The following SLC25A40 variants were observed in gnomAD, a reference collection of about 807,000 sequenced individuals.
The protein encoded by SLC25A40 is mitochondrial glutathione transporter SLC25A40.
Under a neutral mutation model 46.5 loss-of-function variants are expected in SLC25A40, and 41 were observed. The observed-to-expected ratio is 0.88, with a 90% CI of 0.69 to 1.14. The LOEUF is 1.14. Among genes scored for constraint, SLC25A40 ranks in the 50% most tolerant of loss-of-function variants. The pLI, the probability that SLC25A40 is intolerant of heterozygous loss-of-function variation, is 0.00. For synonymous variants in SLC25A40, 126 were observed against 127.5 expected (o/e 0.99, Z 0.08); for missense variants, 386 against 393.6 (o/e 0.98, Z 0.16).
At chr7:87,859,223 G>C (rs1181039723) in intron 2 of SLC25A40, among the ~76,000 whole-genome samples, 2 of 152,130 alleles carry the variant, frequency 1.3e-5, no homozygotes, top group Admixed American at 1.3e-4. Context: ...TGGAGGCCGA[G>C]GCGGGCGCAT....
chr7:87,871,676 T>C (rs1240255692), intron 1 of SLC25A40, among the ~76,000 whole-genome samples: 3 of 152,218 alleles, frequency 2.0e-5, no homozygotes, highest in African/African-American at 7.2e-5. Context: ...CTCATGATGT[T>C]TTATCCTTTG....
At position 87,854,788 on chromosome 7, in the gene SLC25A40, G is replaced by C. The variant is rs183081444; in HGVS notation, c.158-478C>G. 4.7e-3 allele frequency among the ~76,000 whole-genome samples: 700 copies of C among 148,432 alleles called. 9 individuals carry two copies. Among genetic ancestry groups the C allele is most frequent in the African/African-American group, 0.016 (653 of 39,928 alleles). On this transcript the variant is annotated intron_variant, in intron 4 of 11. Coordinates refer to ENST00000341119, the MANE Select transcript of SLC25A40 (RefSeq NM_018843.4). ...GATCGCGCCACTGCACTCCAGCCTGGGCAACAGAGCAAGACTGTCTCAAAA... is the reference window on the plus strand; with the variant it reads ...GATCGCGCCACTGCACTCCAGCCTGCGCAACAGAGCAAGACTGTCTCAAAA...
intron 1 of SLC25A40, among the ~76,000 whole-genome samples, chr7:87,872,534 G>C (rs910196374): frequency 3.3e-5 from 5 of 152,124 alleles, no homozygotes; most frequent in Non-Finnish European, 5.9e-5. Flanking sequence ...ATGACTGAAA[G>C]GCTTGAGCAA....
chr7:87,836,760 C>A lies in SLC25A40; in HGVS notation c.874G>T (p.Ala292Ser). ...STWIIMKNIV[A>S]KNGFSGLFSG... ...AATAATCCGGAAAATCCATTTTTAG[C>A]AACAATGTTCTTCATTATAATCCAG... Residue 292 changes from alanine (A) to serine (S), a missense_variant, in exon 11 of 12, where the codon GCT becomes TCT. Coordinates refer to ENST00000341119, the MANE Select transcript of SLC25A40 (RefSeq NM_018843.4). 1 of 1,543,738 alleles carries A rather than the reference C, an allele frequency of 6.5e-7. No homozygotes were observed. Among genetic ancestry groups the A allele is most frequent in the Non-Finnish European group, 8.7e-7 (1 of 1,149,772 alleles).
intron 1 of SLC25A40, among the ~76,000 whole-genome samples, chr7:87,875,487 T>C (rs1334691982): frequency 2.0e-5 from 3 of 151,772 alleles, no homozygotes; most frequent in Non-Finnish European, 4.4e-5. Context: ...GTGCCTATTA[T>C]GGCCTGGAGT....
At chr7:87,871,278 C>G (rs1311173367) in intron 1 of SLC25A40, among the ~76,000 whole-genome samples, 1 of 152,198 alleles carries the variant, frequency 6.6e-6, no homozygotes, top group Non-Finnish European at 1.5e-5. Context: ...CCCATTCGGG[C>G]AACAAAAACA....
At chr7:87,849,676 G>A (rs1055875693) in intron 6 of SLC25A40, among the ~76,000 whole-genome samples, 3 of 152,174 alleles carry the variant, frequency 2.0e-5, no homozygotes, top group East Asian at 1.9e-4. Context: ...GTAATAAACC[G>A]TATCTGTGAA....
At chr7:87,840,571 T>G (rs1447224557) in intron 10 of SLC25A40, among the ~76,000 whole-genome samples, 1 of 151,756 alleles carries the variant, frequency 6.6e-6, no homozygotes, top group Non-Finnish European at 1.5e-5. Flanking sequence ...CTATGTTAAA[T>G]ATTATACTTA....
intron 1 of SLC25A40, among the ~76,000 whole-genome samples, chr7:87,862,589 CTCAG>C (rs1259899065): frequency 2.0e-5 from 3 of 152,292 alleles, no homozygotes; most frequent in African/African-American, 7.2e-5. Flanking sequence ...ACACTATCTC[CTCAG>C]TATCATCAGA....
intron 5 of SLC25A40, among the ~76,000 whole-genome samples, chr7:87,853,371 G>A (rs977121457): frequency 6.6e-6 from 1 of 152,182 alleles, no homozygotes; most frequent in Admixed American, 6.5e-5. Context: ...GTCACACAGT[G>A]CTAATGAAAA....
At chr7:87,874,420 T>A (rs994294156) in intron 1 of SLC25A40, among the ~76,000 whole-genome samples, 1 of 152,196 alleles carries the variant, frequency 6.6e-6, no homozygotes. Context: ...TATACTTTCC[T>A]ACAATAACAA....
intron 1 of SLC25A40, among the ~76,000 whole-genome samples, chr7:87,874,662 C>T (rs1838951042): frequency 6.6e-6 from 1 of 152,186 alleles, no homozygotes; most frequent in African/African-American, 2.4e-5. Context: ...TTAAGGAGCT[C>T]TACTCTGTGC....
intron 5 of SLC25A40, among the ~76,000 whole-genome samples, chr7:87,853,347 G>C (rs754026998): frequency 9.9e-5 from 15 of 152,212 alleles, no homozygotes; most frequent in Non-Finnish European, 1.9e-4. Context: ...TGAAGATGTG[G>C]AGAAATTGGA....
intron 3 of SLC25A40, among the ~76,000 whole-genome samples, chr7:87,857,449 A>T (rs1297861442): frequency 6.6e-6 from 1 of 152,218 alleles, no homozygotes; most frequent in African/African-American, 2.4e-5. Flanking sequence ...AGTCTCTTGA[A>T]TCTCTGTCCA....
intron 10 of SLC25A40, among the ~76,000 whole-genome samples, chr7:87,839,772 T>C (rs751813585): frequency 6.6e-6 from 1 of 151,700 alleles, no homozygotes; most frequent in South Asian, 2.1e-4. Context: ...TACTCAGTAA[T>C]TGACTAATGA....
chr7:87,858,886 A>T, intron 2 of SLC25A40, 135 bp from the exon 3 acceptor site: 6 of 609,522 alleles, frequency 9.8e-6, no homozygotes, highest in Non-Finnish European at 2.9e-6. Context: ...AGATACTGAC[A>T]GAATGAAAGC....
At chr7:87,873,997 C>G (rs539600369) in intron 1 of SLC25A40, among the ~76,000 whole-genome samples, 2 of 152,098 alleles carry the variant, frequency 1.3e-5, no homozygotes, top group South Asian at 2.1e-4. Context: ...TAAGACAAAC[C>G]CTACCCTCTT....
At chr7:87,864,458 C>T (rs1401164496) in intron 1 of SLC25A40, among the ~76,000 whole-genome samples, 1 of 152,166 alleles carries the variant, frequency 6.6e-6, no homozygotes, top group African/African-American at 2.4e-5. Flanking sequence ...CCAAACTGTT[C>T]CCTTTAGATC....
chr7:87,866,095 AAATG>A (rs1230341970), intron 1 of SLC25A40, among the ~76,000 whole-genome samples: 1 of 152,180 alleles, frequency 6.6e-6, no homozygotes, highest in African/African-American at 2.4e-5. Flanking sequence ...AAAAAAAAAA[AAATG>A]AATGAATATT....
Sources: allele counts gnomAD v4.1 joint callset (sites outside exome capture counted in the v4.1 genomes callset), GRCh38; gene constraint gnomAD v4.1.1; transcripts MANE v1.5; gene names NCBI Gene and HGNC (gene_info 2026-07-23, HGNC 2026-07-21).